Variants in MCC observed in about 807,000 individuals in gnomAD.
MCC encodes MCC regulator of Wnt signaling pathway, also known as colorectal mutant cancer protein.
A neutral mutation model predicts 116.2 loss-of-function variants in MCC; 90 were observed. The observed-to-expected ratio is 0.77, with a 90% CI of 0.65 to 0.92. The LOEUF is 0.92. Ranked by LOEUF, MCC falls within the 40% of genes least tolerant of loss-of-function variation. The pLI is 0.00. For synonymous variants in MCC, 578 were observed against 510.5 expected (o/e 1.13, Z -1.78); for missense variants, 1,516 against 1,312.2 (o/e 1.16, Z -2.40).
chr5:113,448,862 T>A (rs900024557), intron 1 of MCC, among the ~76,000 whole-genome samples: 5 of 152,220 alleles, frequency 3.3e-5, no homozygotes, highest in African/African-American at 1.2e-4. Context: ...AATAGAGGTA[T>A]AACATTTGAT....
chr5:113,317,258 G>T (rs891547354), intron 3 of MCC, among the ~76,000 whole-genome samples: 3 of 152,076 alleles, frequency 2.0e-5, no homozygotes, highest in Non-Finnish European at 4.4e-5. Context: ...TTTTCTGTTC[G>T]CTAACCCACT....
At chr5:113,258,692 G>A (rs1257908751) in intron 3 of MCC, among the ~76,000 whole-genome samples, 3 of 152,220 alleles carry the variant, frequency 2.0e-5, no homozygotes, top group Admixed American at 1.3e-4. Flanking sequence ...TCACTTAGGA[G>A]AACTGAGGTG....
intron 1 of MCC, among the ~76,000 whole-genome samples, chr5:113,485,243 C>T (rs1406414404): frequency 6.6e-6 from 1 of 152,144 alleles, no homozygotes; most frequent in Non-Finnish European, 1.5e-5. Flanking sequence ...TTAAGATTTC[C>T]AGCCTACTCC....
At chr5:113,080,066 T>G (rs527519419) in intron 11 of MCC, among the ~76,000 whole-genome samples, 1 of 152,200 alleles carries the variant, frequency 6.6e-6, no homozygotes, top group Non-Finnish European at 1.5e-5. Flanking sequence ...TCAGCATCAC[T>G]GGCCATCAGA....
At chr5:113,301,081 C>T (rs1373918812) in intron 3 of MCC, among the ~76,000 whole-genome samples, 2 of 152,120 alleles carry the variant, frequency 1.3e-5, no homozygotes, top group Admixed American at 1.3e-4. Context: ...CTGCATGTGC[C>T]CTGGGATTCA....
intron 1 of MCC, among the ~76,000 whole-genome samples, chr5:113,486,623 C>A (rs947205941): frequency 6.6e-6 from 1 of 152,104 alleles, no homozygotes; most frequent in African/African-American, 2.4e-5. Context: ...GCGGGCGGAT[C>A]ACTTAGGGTC....
chr5:113,242,910 C>G (rs559875100), intron 3 of MCC, among the ~76,000 whole-genome samples: 1 of 152,230 alleles, frequency 6.6e-6, no homozygotes, highest in African/African-American at 2.4e-5. Context: ...GTGATAGGAG[C>G]CAGTGGTGGT....
At chr5:113,447,942 CCTT>C (rs1162520830) in intron 1 of MCC, among the ~76,000 whole-genome samples, 1 of 152,070 alleles carries the variant, frequency 6.6e-6, no homozygotes, top group African/African-American at 2.4e-5. Flanking sequence ...GCTTTGCTGA[CCTT>C]CTCAGGAGAC....
At chr5:113,031,030 G>C (rs1261174055) in intron 17 of MCC, among the ~76,000 whole-genome samples, 2 of 152,162 alleles carry the variant, frequency 1.3e-5, no homozygotes, top group African/African-American at 4.8e-5. Flanking sequence ...TCAGACCCTG[G>C]TTCTCCTTTC....
At chr5:113,245,298 A>G (rs563058291) in intron 3 of MCC, among the ~76,000 whole-genome samples, 44 of 152,110 alleles carry the variant, frequency 2.9e-4, no homozygotes, top group African/African-American at 9.9e-4. Flanking sequence ...CTCAAAAAAA[A>G]AAAAAAAAAA....
rs1367094100 is a variant in MCC at position 113,071,065 on chromosome 5, T to G, written c.1925+29A>C. On this transcript the variant is annotated intron_variant, in intron 12 of 18. Coordinates refer to ENST00000408903, the MANE Select transcript of MCC (RefSeq NM_001085377.2). ...CTCTGGATGCACTTCTACCCTGAAG[T>G]AGCTCCAAACATCCCAGTGTGTGCC... The G allele has an allele frequency of 5.0e-6, 8 of 1,597,582 alleles. No individual in the cohort carries two copies. The African/African-American group carries it at 9.6e-5, about 19-fold the overall frequency.
chr5:113,258,538 G>C (rs1765104146), intron 3 of MCC, among the ~76,000 whole-genome samples: 2 of 152,240 alleles, frequency 1.3e-5, no homozygotes, highest in South Asian at 4.1e-4. Flanking sequence ...AAGGAATCTA[G>C]GTTGCATGCT....
At chr5:113,356,273 G>A (rs1249045991) in intron 2 of MCC, among the ~76,000 whole-genome samples, 1 of 151,220 alleles carries the variant, frequency 6.6e-6, no homozygotes, top group Non-Finnish European at 1.5e-5. Context: ...CTGGCTTCAG[G>A]TGATCCTCGT....
intron 3 of MCC, among the ~76,000 whole-genome samples, chr5:113,308,395 A>G (rs2150367190): frequency 6.6e-6 from 1 of 152,298 alleles, no homozygotes; most frequent in East Asian, 1.9e-4. Flanking sequence ...GTATTAGAAA[A>G]TATTAGGAAA....
At chr5:113,226,071 G>C (rs1266152177) in intron 3 of MCC, among the ~76,000 whole-genome samples, 1 of 152,230 alleles carries the variant, frequency 6.6e-6, no homozygotes, top group African/African-American at 2.4e-5. Flanking sequence ...AGCTACACAG[G>C]GGGCTGAGGC....
intron 3 of MCC, among the ~76,000 whole-genome samples, chr5:113,159,125 G>T (rs1760340861): frequency 1.3e-5 from 2 of 152,132 alleles, no homozygotes; most frequent in South Asian, 4.1e-4. Context: ...ATAAATGTGG[G>T]TGATTCTCTT....
At chr5:113,101,638 A>G in intron 8 of MCC, 101 bp downstream of exon 8, 1 of 1,249,934 alleles carries the variant, frequency 8.0e-7, no homozygotes, top group Non-Finnish European at 1.1e-6. Flanking sequence ...CCAAAATTAC[A>G]AATGCCACAA....
At chr5:113,327,718 C>T (rs904763329) in intron 3 of MCC, among the ~76,000 whole-genome samples, 2 of 150,268 alleles carry the variant, frequency 1.3e-5, no homozygotes, top group African/African-American at 2.4e-5. Context: ...TTAACAGAAA[C>T]AAAAACTGAA....
chr5:113,357,755 A>G (rs923824769), intron 2 of MCC, among the ~76,000 whole-genome samples: 2 of 152,166 alleles, frequency 1.3e-5, no homozygotes, highest in Non-Finnish European at 2.9e-5. Flanking sequence ...GTCAGTAAAT[A>G]CACTATGCTT....
Sources: allele counts gnomAD v4.1 joint callset (sites outside exome capture counted in the v4.1 genomes callset), GRCh38; gene constraint gnomAD v4.1.1; transcripts MANE v1.5; gene names NCBI Gene and HGNC (gene_info 2026-07-23, HGNC 2026-07-21).